Variants in RNF17 observed in about 807,000 individuals in gnomAD.
RNF17 encodes the protein spermatogenesis associated 23.
Under a neutral mutation model 200.5 loss-of-function variants are expected in RNF17, and 31 were observed. The observed-to-expected ratio is 0.15, with a 90% CI of 0.12 to 0.21. RNF17 has a LOEUF of 0.21. Among genes scored for constraint, RNF17 ranks in the 10% least tolerant of loss-of-function variants. The pLI, the probability that RNF17 is intolerant of heterozygous loss-of-function variation, is 1.00. For synonymous variants in RNF17, 606 were observed against 637.8 expected (o/e 0.95, Z 0.75); for missense variants, 1,628 against 1,905.1 (o/e 0.85, Z 2.71).
chr13:24,817,050 G>A (rs1026572829), intron 15 of RNF17, among the ~76,000 whole-genome samples: 1 of 152,170 alleles, frequency 6.6e-6, no homozygotes, highest in Non-Finnish European at 1.5e-5. Flanking sequence ...GAGGATATTT[G>A]CATCAGTATT....
chr13:24,838,891 T>G (rs939936747), intron 18 of RNF17, among the ~76,000 whole-genome samples: 7 of 152,090 alleles, frequency 4.6e-5, no homozygotes, highest in African/African-American at 1.4e-4. Context: ...TGTCACTGTT[T>G]GCTGATGATA....
chr13:24,792,906 A>C, intron 9 of RNF17, 136 bp from the exon 10 acceptor site: 1 of 585,042 alleles, frequency 1.7e-6, no homozygotes, highest in Admixed American at 3.5e-5. Context: ...AATAACTGGC[A>C]GTGGGTCAGT....
chr13:24,772,426 A>ATTTTTTTTTTTTTTT (rs34066913), intron 2 of RNF17, among the ~76,000 whole-genome samples: 8 of 106,016 alleles, frequency 7.5e-5, no homozygotes, highest in Admixed American at 1.0e-4. Context: ...TTGAGTCTCC[A>ATTTTTTTTTTTTTTT]TTTTTTTTTT....
chr13:24,799,035 G>A (rs74042514), intron 11 of RNF17, among the ~76,000 whole-genome samples: 6,662 of 152,218 alleles, frequency 0.044, 458 homozygotes, highest in African/African-American at 0.15. Flanking sequence ...AGATGGTCTT[G>A]CTTGTAAGTA....
chr13:24,850,941 T>C (rs971932452), intron 23 of RNF17, among the ~76,000 whole-genome samples: 17 of 152,348 alleles, frequency 1.1e-4, no homozygotes, highest in African/African-American at 3.6e-4. Flanking sequence ...CACCTTGACA[T>C]TGAGGTTTTC....
chr13:24,787,926 A>G (rs553651470), intron 6 of RNF17, 62 bp from the exon 7 acceptor site: 150 of 1,339,154 alleles, frequency 1.1e-4, no homozygotes, highest in Non-Finnish European at 1.5e-4. Flanking sequence ...GATACTATAG[A>G]TCGACTTTTT....
At chr13:24,806,576 A>C (rs1593298077) in intron 15 of RNF17, among the ~76,000 whole-genome samples, 1 of 152,102 alleles carries the variant, frequency 6.6e-6, no homozygotes, top group Non-Finnish European at 1.5e-5. Context: ...TTCTCTAATG[A>C]CCAGTGATGA....
At chr13:24,795,910 T>A (rs908380356) in intron 10 of RNF17, among the ~76,000 whole-genome samples, 2 of 152,232 alleles carry the variant, frequency 1.3e-5, no homozygotes, top group Non-Finnish European at 2.9e-5. Context: ...TTTGCAAGTA[T>A]TATGAAGTAT....
At chr13:24,820,088 C>T (rs2137911510) in intron 15 of RNF17, among the ~76,000 whole-genome samples, 1 of 150,736 alleles carries the variant, frequency 6.6e-6, no homozygotes, top group South Asian at 2.1e-4. Flanking sequence ...TTCTGGCTTC[C>T]AAAATTTCTT....
chr13:24,832,391 G>T (rs936945548), intron 18 of RNF17, among the ~76,000 whole-genome samples: 29 of 152,082 alleles, frequency 1.9e-4, no homozygotes, highest in Admixed American at 1.3e-4. Flanking sequence ...TCAACTGTGG[G>T]TTCTCAGCAT....
intron 15 of RNF17, 138 bp from the exon 16 acceptor site, chr13:24,825,477 AAATT>A: frequency 1.6e-6 from 1 of 644,872 alleles, no homozygotes; most frequent in South Asian, 2.4e-5. Context: ...TTTGTAAAAT[AAATT>A]ACGTAACACA....
At chr13:24,811,731 T>C (rs919712973) in intron 15 of RNF17, among the ~76,000 whole-genome samples, 2 of 141,372 alleles carry the variant, frequency 1.4e-5, no homozygotes, top group Non-Finnish European at 3.2e-5. Context: ...CTTTTTAGAG[T>C]TTCCAGTTTT....
chr13:24,853,829 G>C (rs1373406371), intron 24 of RNF17, 26 bp from the exon 25 acceptor site: 2 of 1,543,070 alleles, frequency 1.3e-6, no homozygotes, highest in Admixed American at 1.9e-5. Context: ...CTTATGTTTA[G>C]ATGTGTTCTT....
At chr13:24,772,426 A>ATTTTTTTTTTTTT (rs34066913) in intron 2 of RNF17, among the ~76,000 whole-genome samples, 215 of 105,886 alleles carry the variant, frequency 2.0e-3, no homozygotes, top group Non-Finnish European at 2.7e-3. Context: ...TTGAGTCTCC[A>ATTTTTTTTTTTTT]TTTTTTTTTT....
At chr13:24,854,595 T>G (rs1892270201) in intron 25 of RNF17, among the ~76,000 whole-genome samples, 1 of 152,076 alleles carries the variant, frequency 6.6e-6, no homozygotes, top group Non-Finnish European at 1.5e-5. Context: ...CTAGAGTTGC[T>G]TCATAACTAT....
At chr13:24,825,427 A>T (rs1005335190) in intron 15 of RNF17, among the ~76,000 whole-genome samples, 192 bp from the exon 16 acceptor site, 3 of 152,176 alleles carry the variant, frequency 2.0e-5, no homozygotes, top group Non-Finnish European at 4.4e-5. Context: ...CTTTATTTTT[A>T]TGTCTATACT....
the RNF17 span, among the ~76,000 whole-genome samples, chr13:24,759,021 A>C: frequency 1.4e-5 from 2 of 139,240 alleles, no homozygotes; most frequent in Non-Finnish European, 3.0e-5. Context: ...CAGAAGTTGC[A>C]GTGAACTGAG....
intron 18 of RNF17, among the ~76,000 whole-genome samples, chr13:24,837,930 C>CAAAAAAATAAA (rs1377837935): frequency 6.6e-6 from 1 of 151,986 alleles, no homozygotes; most frequent in Non-Finnish European, 1.5e-5. Context: ...ATTGATAGGC[C>CAAAAAAATAAA]ATTAGCACGA....
At chr13:24,802,222 G>C (rs766632095) in intron 13 of RNF17, among the ~76,000 whole-genome samples, 159 bp from the exon 14 acceptor site, 3 of 152,118 alleles carry the variant, frequency 2.0e-5, no homozygotes, top group Non-Finnish European at 2.9e-5. Context: ...CTGACCTTGT[G>C]AGTCACCACG....
Sources: allele counts gnomAD v4.1 joint callset (sites outside exome capture counted in the v4.1 genomes callset), GRCh38; gene constraint gnomAD v4.1.1; transcripts MANE v1.5; gene names NCBI Gene and HGNC (gene_info 2026-07-23, HGNC 2026-07-21).